Variants in TRAPPC9 observed in about 807,000 individuals in gnomAD.
The protein encoded by TRAPPC9 is IKK2 binding protein.
A neutral mutation model predicts 124.0 loss-of-function variants in TRAPPC9; 83 were observed. That is an observed-to-expected ratio of 0.67 (90% CI 0.56 to 0.80). The LOEUF is 0.80. Among genes scored for constraint, TRAPPC9 ranks in the 30% least tolerant of loss-of-function variants. TRAPPC9 has a pLI of 0.00. For missense variants in TRAPPC9, 1,302 were observed against 1,508.3 expected (o/e 0.86, Z 2.27); for synonymous variants, 638 against 617.5 (o/e 1.03, Z -0.49).
intron 6 of TRAPPC9, among the ~76,000 whole-genome samples, chr8:140,402,076 A>G (rs2069296737): frequency 6.6e-6 from 1 of 151,820 alleles, no homozygotes; most frequent in South Asian, 2.1e-4. Flanking sequence ...AATATGTTTT[A>G]TTCTGGGAGG....
At chr8:140,091,389 T>C (rs1844558068) in intron 17 of TRAPPC9, among the ~76,000 whole-genome samples, 1 of 152,164 alleles carries the variant, frequency 6.6e-6, no homozygotes, top group African/African-American at 2.4e-5. Flanking sequence ...TGGGCGAGGC[T>C]GAGTTAATAG....
chr8:140,404,946 G>GTGTGTGTC (rs910246104), intron 6 of TRAPPC9, among the ~76,000 whole-genome samples: 5 of 150,882 alleles, frequency 3.3e-5, no homozygotes, highest in South Asian at 2.1e-4. Context: ...GTGTGTGTGT[G>GTGTGTGTC]TCTCATAGGC....
At chr8:140,003,742 A>G (rs1838564543) in intron 18 of TRAPPC9, among the ~76,000 whole-genome samples, 1 of 152,244 alleles carries the variant, frequency 6.6e-6, no homozygotes, top group Non-Finnish European at 1.5e-5. Flanking sequence ...CACTGCTAGT[A>G]GAGATGGAAA....
chr8:139,767,462 G>A lies in TRAPPC9; in HGVS notation c.3056-35260C>T, dbSNP rs149225083. ...AGCATCCCGTCCTCACGAGGGCTCC[G>A]TCCCAGACAAAGTGGGAGGGAGTGA... is the stretch of plus-strand genomic sequence containing the variant. On this transcript the variant is annotated intron_variant, in intron 21 of 22. Transcript: ENST00000438773. Among the ~76,000 whole-genome samples the A allele has an allele frequency of 2.6e-3, 394 of 152,312 alleles. 2 individuals carry two copies. The highest frequency in any genetic ancestry group is 8.3e-3 in the African/African-American group (347 of 41,568).
chr8:139,764,627 G>A (rs776409196), intron 21 of TRAPPC9, among the ~76,000 whole-genome samples: 1 of 152,170 alleles, frequency 6.6e-6, no homozygotes, highest in Non-Finnish European at 1.5e-5. Context: ...ACTTTTCAGA[G>A]CATGCCTGTG....
chr8:139,944,650 A>G (rs1433573958), intron 19 of TRAPPC9, among the ~76,000 whole-genome samples: 2 of 152,224 alleles, frequency 1.3e-5, no homozygotes, highest in African/African-American at 4.8e-5. Context: ...ATACATACAT[A>G]TATGTTATAT....
chr8:139,913,301 G>A (rs1021408828), intron 19 of TRAPPC9, among the ~76,000 whole-genome samples: 4 of 152,236 alleles, frequency 2.6e-5, no homozygotes, highest in Non-Finnish European at 5.9e-5. Flanking sequence ...TGTTCTGTGT[G>A]TACGCTCATC....
intron 21 of TRAPPC9, among the ~76,000 whole-genome samples, chr8:139,855,247 G>C (rs528609603): frequency 7.2e-5 from 11 of 152,214 alleles, no homozygotes; most frequent in Non-Finnish European, 1.5e-4. Flanking sequence ...AGAGGCAGCA[G>C]CTAAATATTT....
intron 21 of TRAPPC9, among the ~76,000 whole-genome samples, chr8:139,765,728 G>A (rs1348275421): frequency 6.6e-6 from 1 of 152,170 alleles, no homozygotes; most frequent in Non-Finnish European, 1.5e-5. Flanking sequence ...GGCAGAGGCA[G>A]GAACAACCAT....
chr8:140,382,062 G>A (rs575030209), intron 7 of TRAPPC9, among the ~76,000 whole-genome samples: 49 of 152,286 alleles, frequency 3.2e-4, no homozygotes, highest in African/African-American at 1.2e-3. Context: ...CCCAAAGGGT[G>A]GAAACAACCT....
rs186773592 is a variant in TRAPPC9, at chr8:140,045,251, C to A, written c.2557-21172G>T. Among the ~76,000 whole-genome samples the A allele has an allele frequency of 1.9e-3, 289 of 152,260 alleles. 4 individuals carry two copies. The highest frequency in any genetic ancestry group is 9.3e-4 in the Non-Finnish European group (63 of 68,032). ...GACCCTCTGCGCTTCAGCTTCCTTG[C>A]GTACACGAAGCGAGGATGGTGGCAC... is the stretch of plus-strand genomic sequence containing the variant. On this transcript the variant is annotated intron_variant, in intron 17 of 22. Coordinates refer to ENST00000438773, the MANE Select transcript of TRAPPC9 (RefSeq NM_001160372.4).
intron 18 of TRAPPC9, among the ~76,000 whole-genome samples, chr8:139,995,478 G>C (rs1399578830): frequency 1.3e-5 from 2 of 152,092 alleles, no homozygotes; most frequent in African/African-American, 4.8e-5. Context: ...AAAGAGCTGA[G>C]GTCCCAAAAC....
intron 21 of TRAPPC9, among the ~76,000 whole-genome samples, chr8:139,774,617 C>T (rs912851673): frequency 2.0e-5 from 3 of 152,202 alleles, no homozygotes; most frequent in East Asian, 1.9e-4. Context: ...GATGTTTCCT[C>T]GGCCTCCCCA....
intron 19 of TRAPPC9, chr8:139,911,407 A>G (rs1831719962): frequency 6.6e-6 from 1 of 152,314 alleles, no homozygotes; most frequent in South Asian, 2.1e-4. Context: ...TTATCAGTCA[A>G]TGGATAAGAG....
chr8:139,859,642 T>G (rs1365942134), intron 21 of TRAPPC9, among the ~76,000 whole-genome samples: 1 of 152,200 alleles, frequency 6.6e-6, no homozygotes, highest in Non-Finnish European at 1.5e-5. Context: ...ATCTGCCCCA[T>G]GCGGCCAGAC....
chr8:140,078,789 C>G (rs1843651559), intron 17 of TRAPPC9, among the ~76,000 whole-genome samples: 1 of 152,114 alleles, frequency 6.6e-6, no homozygotes, highest in Non-Finnish European at 1.5e-5. Context: ...GGTCAGCCAC[C>G]TCCCCTCCCT....
At chr8:140,448,255 T>G (rs984910544) in intron 2 of TRAPPC9, among the ~76,000 whole-genome samples, 1 of 152,136 alleles carries the variant, frequency 6.6e-6, no homozygotes, top group African/African-American at 2.4e-5. Context: ...GGTGTCATTA[T>G]CTCACTGAAG....
intron 8 of TRAPPC9, among the ~76,000 whole-genome samples, chr8:140,360,707 A>T (rs2067925791): frequency 6.6e-6 from 1 of 152,186 alleles, no homozygotes; most frequent in Non-Finnish European, 1.5e-5. Context: ...TTAAAGACGG[A>T]GAAATCTGGA....
At chr8:140,002,370 A>G (rs1219954193) in intron 18 of TRAPPC9, among the ~76,000 whole-genome samples, 2 of 152,194 alleles carry the variant, frequency 1.3e-5, no homozygotes, top group Admixed American at 6.5e-5. Context: ...TGGAAGGTGC[A>G]ATATACTTAT....
Sources: allele counts gnomAD v4.1 joint callset (sites outside exome capture counted in the v4.1 genomes callset), GRCh38; gene constraint gnomAD v4.1.1; transcripts MANE v1.5; gene names NCBI Gene and HGNC (gene_info 2026-07-23, HGNC 2026-07-21).